Variants in DGKD observed in about 807,000 individuals in gnomAD.
DGKD encodes diacylglycerol kinase delta.
DGKD carries 68 observed loss-of-function variants against 154.4 expected under a neutral mutation model. The observed-to-expected ratio is 0.44, with a 90% CI of 0.36 to 0.54. The LOEUF is 0.54. Among genes scored for constraint, DGKD ranks in the 20% least tolerant of loss-of-function variants. The probability of loss-of-function intolerance (pLI) is 0.00; values close to 1 mark genes in which losing one functional copy is unlikely to be tolerated. For synonymous variants in DGKD, 693 were observed against 638.0 expected (o/e 1.09, Z -1.30); for missense variants, 1,343 against 1,593.6 (o/e 0.84, Z 2.68).
Position 233,437,477 on chromosome 2 carries a change from A to G in DGKD, c.920A>G (p.Asp307Gly). 1.9e-6 allele frequency: 3 copies of G among 1,613,948 alleles called. No homozygotes were observed. The highest frequency in any genetic ancestry group is 2.5e-6 in the Non-Finnish European group (3 of 1,179,882). The change falls in exon 8 of 30, where the codon GAT becomes GGT. Residue 307 changes from aspartate to glycine, a missense_variant and splice_region_variant. Coordinates refer to ENST00000264057, the MANE Select transcript of DGKD (RefSeq NM_152879.3). ...ACGGCTCTCAACAGCATCGACTCCG[A>G]TGGTGGGTACCACACATGCTTATCC... ...PPTALNSIDS[D>G]GFWKASCPPS...
chr2:233,462,785 C>T (rs752480887), intron 26 of DGKD, 50 bp downstream of exon 26: 3 of 1,522,368 alleles, frequency 2.0e-6, no homozygotes, highest in Non-Finnish European at 2.7e-6. Flanking sequence ...TGTGAAACGA[C>T]TGCTGTCGCC....
rs551825155 is a variant in DGKD, at chr2:233,400,281, A to T, written c.348+9798A>T. 8.5e-5 allele frequency among the ~76,000 whole-genome samples: 13 copies of T among 152,354 alleles called. No individual in the cohort carries two copies. The South Asian group carries it at 2.7e-3, about 32-fold the overall frequency. Reference sequence around the variant, plus strand: ...CGAAGTGGGCGTGGGTGCTCCCCATAGCCAGGCTTTGTCTACAGGACAGCG... The same window carrying T: ...CGAAGTGGGCGTGGGTGCTCCCCATTGCCAGGCTTTGTCTACAGGACAGCG... On this transcript the variant is annotated intron_variant, in intron 3 of 29. Coordinates refer to ENST00000264057, the MANE Select transcript of DGKD (RefSeq NM_152879.3).
chr2:233,382,212 C>G (rs912934729), intron 1 of DGKD, among the ~76,000 whole-genome samples: 1 of 152,042 alleles, frequency 6.6e-6, no homozygotes, highest in Non-Finnish European at 1.5e-5. Flanking sequence ...CCAGCCTGGG[C>G]GACAGAGCAA....
intron 28 of DGKD, 130 bp from the exon 29 acceptor site, chr2:233,468,293 G>C: frequency 8.7e-7 from 1 of 1,144,290 alleles, no homozygotes. Flanking sequence ...CTGCTGGGCT[G>C]TCTCGGGTGC....
rs1406928661 is a variant in DGKD, at chr2:233,458,420, G to A, written c.2694+23G>A. On this transcript the variant is annotated intron_variant, in intron 22 of 29. Coordinates refer to ENST00000264057, the MANE Select transcript of DGKD (RefSeq NM_152879.3). This position sits in a 1 kb window ranked among gnomAD's most constrained non-coding sequence, Gnocchi z 6.6. ...CAGGTAGTGGCCATGGTCCTGGGGT[G>A]TCTGGCCGAGTCCCCAGCCCGGAGT... is the stretch of plus-strand genomic sequence containing the variant. 1.3e-6 allele frequency: 2 copies of A among 1,552,596 alleles called. No individual in the cohort carries two copies.
chr2:233,361,791 C>T (rs898821032), intron 1 of DGKD, among the ~76,000 whole-genome samples: 1 of 152,122 alleles, frequency 6.6e-6, no homozygotes, highest in Admixed American at 6.6e-5. Context: ...ACTAAAGATA[C>T]TAGACATTTT....
chr2:233,458,201 C>G lies in DGKD; in HGVS notation c.2581-83C>G. The G allele has an allele frequency of 1.2e-6, 1 of 857,848 alleles. No individual in the cohort carries two copies. The highest frequency in any genetic ancestry group is 1.9e-6 in the Non-Finnish European group (1 of 532,580). 53.1% of individuals were successfully genotyped at this position (857,848 alleles called of 1,614,324 possible). On this transcript the variant is annotated intron_variant, in intron 21 of 29. Transcript: ENST00000264057. This position sits in a 1 kb window ranked among gnomAD's most constrained non-coding sequence, Gnocchi z 6.6. ...TCTCGCCAGCTAGGAGGGGCTGACC[C>G]CCAGAGGGAGGGAGTGAGGGTAGGG...
chr2:233,364,010 A>G (rs1038710866), intron 1 of DGKD, among the ~76,000 whole-genome samples: 1 of 152,230 alleles, frequency 6.6e-6, no homozygotes, highest in Admixed American at 6.5e-5. Flanking sequence ...ATGAAGAGAA[A>G]GAGAGAAAGG....
At chr2:233,415,811 A>C (rs533279891) in intron 3 of DGKD, among the ~76,000 whole-genome samples, 1 of 152,142 alleles carries the variant, frequency 6.6e-6, no homozygotes, top group Admixed American at 6.5e-5. Flanking sequence ...TTTTTTGTAG[A>C]AACAGGGTCT....
At chr2:233,434,725 A>T (rs1440763224) in intron 4 of DGKD, 44 bp from the exon 5 acceptor site, 1 of 1,585,604 alleles carries the variant, frequency 6.3e-7, no homozygotes, top group Non-Finnish European at 8.6e-7. Flanking sequence ...TTAACAATTT[A>T]AAAGAGAAGT....
intron 1 of DGKD, among the ~76,000 whole-genome samples, chr2:233,383,648 C>T (rs1168932888): frequency 4.6e-5 from 7 of 152,186 alleles, no homozygotes; most frequent in Admixed American, 2.0e-4. Flanking sequence ...GGAGCTCACG[C>T]GTGTGGTGTC....
At chr2:233,382,215 CAG>C (rs1702940128) in intron 1 of DGKD, among the ~76,000 whole-genome samples, 2 of 152,148 alleles carry the variant, frequency 1.3e-5, no homozygotes, top group Admixed American at 1.3e-4. Flanking sequence ...GCCTGGGCGA[CAG>C]AGCAAGACTC....
chr2:233,369,987 T>C (rs1702231306), intron 1 of DGKD, among the ~76,000 whole-genome samples: 1 of 152,314 alleles, frequency 6.6e-6, no homozygotes, highest in African/African-American at 2.4e-5. Flanking sequence ...TCTTTTTCTT[T>C]TAAACCTGCT....
In DGKD at chr2:233,451,059, C is replaced by T. The variant is rs749859110; in HGVS notation, c.2167+9C>T. The T allele has an allele frequency of 2.1e-5, 34 of 1,598,032 alleles. No individual in the cohort carries two copies. Among genetic ancestry groups the T allele is most frequent in the Middle Eastern group, 1.7e-4 (1 of 6,040 alleles). Reference sequence around the variant, plus strand: ...CAAGATCCTGTACCCAAGTGAGTGGCGGCCAGCAGGAGGGACTGGTGGGGG... The same window carrying T: ...CAAGATCCTGTACCCAAGTGAGTGGTGGCCAGCAGGAGGGACTGGTGGGGG... On this transcript the variant is annotated intron_variant, in intron 17 of 29. Coordinates refer to ENST00000264057, the MANE Select transcript of DGKD (RefSeq NM_152879.3).
Position 233,456,886 on chromosome 2 carries a change from C to T in DGKD, c.2376-13C>T. ...AGCCCAGACCTATGGCAAGTCTTTG[C>T]TTCTGTTTCTAGGAGCCGAACCAAG... On this transcript the variant is annotated splice_polypyrimidine_tract_variant and intron_variant, in intron 19 of 29. Coordinates refer to ENST00000264057, the MANE Select transcript of DGKD (RefSeq NM_152879.3). 2 of 1,609,830 alleles carry T rather than the reference C, an allele frequency of 1.2e-6. No homozygotes were observed. The highest frequency in any genetic ancestry group is 1.7e-6 in the Non-Finnish European group (2 of 1,176,244).
chr2:233,464,427 C>T (rs553780289), intron 27 of DGKD, 144 bp downstream of exon 27: 3 of 1,024,210 alleles, frequency 2.9e-6, no homozygotes, highest in Non-Finnish European at 4.3e-6. Context: ...CCAGACTTCG[C>T]TATTAAAATG....
chr2:233,411,645 CTT>C (rs1271601293), intron 3 of DGKD, among the ~76,000 whole-genome samples: 1 of 152,142 alleles, frequency 6.6e-6, no homozygotes, highest in Non-Finnish European at 1.5e-5. Context: ...TTTAATGACA[CTT>C]TTAGAACAGA....
intron 5 of DGKD, 40 bp from the exon 6 acceptor site, chr2:233,435,778 C>G: frequency 6.3e-7 from 1 of 1,578,070 alleles, no homozygotes; most frequent in Non-Finnish European, 8.6e-7. Flanking sequence ...GCTCTTGGCA[C>G]AGACACAGCT....
At position 233,438,231 on chromosome 2, in the gene DGKD, A is replaced by T; in HGVS notation, c.937A>T (p.Ser313Cys). ...SIDSDGFWKA[S>C]CPPSCTSPLL... The stretch of plus-strand genomic sequence containing the variant: ...CTTGCGTCCAGGGTTCTGGAAGGCC[A>T]GCTGTCCTCCTTCTTGCACAAGCCC... Residue 313 changes from serine to cysteine, a missense_variant, in exon 9 of 30, where the codon AGC becomes TGC. Around this residue, in one of 6 missense-constraint regions of DGKD, gnomAD observed 332 missense variants for 400.1 expected, o/e 0.83. Coordinates refer to ENST00000264057, the MANE Select transcript of DGKD (RefSeq NM_152879.3). The surrounding 1 kb of genome is among the most constrained non-coding windows in gnomAD (Gnocchi z 4.1). 2 of 1,614,124 alleles carry T rather than the reference A, an allele frequency of 1.2e-6. No individual in the cohort carries two copies. Among genetic ancestry groups the T allele is most frequent in the Non-Finnish European group, 1.7e-6 (2 of 1,180,002 alleles).
Sources: gnomAD v4.1 joint callset for allele counts (sites outside exome capture counted in the v4.1 genomes callset) on GRCh38, gnomAD v4.1.1 for gene constraint, gnomAD v4.1.1 regional missense constraint, Gnocchi (gnomAD v3.1) non-coding constraint, MANE v1.5 for transcripts, NCBI Gene and HGNC (gene_info 2026-07-23, HGNC 2026-07-21) for gene names.